Variants in PHRF1 observed in about 807,000 individuals in gnomAD.
The protein encoded by PHRF1 is PHD and RING finger domain-containing protein 1.
PHRF1 carries 53 observed loss-of-function variants against 128.9 expected under a neutral mutation model. The observed-to-expected ratio is 0.41, with a 90% CI of 0.33 to 0.52. The LOEUF is 0.52. Ranked by LOEUF, PHRF1 falls within the 20% of genes least tolerant of loss-of-function variation. PHRF1 has a pLI of 0.21. For synonymous variants in PHRF1, 1,178 were observed against 980.6 expected (o/e 1.20, Z -3.76); for missense variants, 2,503 against 2,284.5 (o/e 1.10, Z -1.95).
In PHRF1 at chr11:605,626, C is replaced by G. The variant is rs781180540; in HGVS notation, c.1356C>G (p.Asn452Lys). Reference protein sequence around the residue: ...PFDSSEELSANPLSPLSAKRR... With the variant: ...PFDSSEELSAKPLSPLSAKRR... ...CTAGCAGTGAAGAGCTTTCTGCAAA[C>G]CCTCTTTCCCCTCTGAGTGCCAAGA... The change falls in exon 12 of 18, where the codon AAC becomes AAG. Residue 452 changes from asparagine (N) to lysine (K), a missense_variant. Asn to Lys is a moderately conservative substitution (Grantham distance 94, BLOSUM62 0). Coordinates refer to ENST00000264555, the MANE Select transcript of PHRF1 (RefSeq NM_001286581.2). The G allele has an allele frequency of 1.2e-6, 2 of 1,613,816 alleles. No homozygotes were observed. The highest frequency in any genetic ancestry group is 1.3e-5 in the African/African-American group (1 of 75,056).
In PHRF1 at chr11:610,735, G is replaced by A; in HGVS notation, c.4651G>A (p.Ala1551Thr). ...GGAGAAGACCCCGGCCCCCAGGCTAGCTGCGGAGAAAACCAAGAAGGAGGA... is the reference window on the plus strand; with the variant it reads ...GGAGAAGACCCCGGCCCCCAGGCTAACTGCGGAGAAAACCAAGAAGGAGGA... ...SEEKTPAPRL[A>T]AEKTKKEEYM... The change falls in exon 16 of 18, where the codon GCT (alanine) becomes ACT (threonine). Residue 1551 changes from alanine (A) to threonine (T), a missense_variant. Ala to Thr is a moderately conservative substitution (Grantham distance 58, BLOSUM62 0). Transcript: ENST00000264555. 1.9e-6 allele frequency: 3 copies of A among 1,601,766 alleles called. No homozygotes were observed. The highest frequency in any genetic ancestry group is 2.5e-6 in the Non-Finnish European group (3 of 1,179,790).
chr11:577,684 G>A (rs11246199), intron 1 of PHRF1, among the ~76,000 whole-genome samples: 11,900 of 152,312 alleles, frequency 0.078, 763 homozygotes, highest in African/African-American at 0.18. Flanking sequence ...TACAGCAGAT[G>A]GTGAATACAA....
intron 2 of PHRF1, 112 bp from the exon 3 acceptor site, chr11:581,850 G>A (rs551556606): frequency 1.7e-5 from 24 of 1,424,752 alleles, no homozygotes; most frequent in Non-Finnish European, 2.2e-5. Flanking sequence ...TGGGGAAGCC[G>A]TTAGCCGTTT....
rs1856110326 is a variant in PHRF1, at chr11:608,509, GCT to G, written c.3056_3057del (p.Ser1019TrpfsTer5). ...GTGTCCAGGGAGCACGGACGGACGC[GCT>G]CTGGGACGCGCTCTGAATCCAGGGA... is the stretch of plus-strand genomic sequence containing the variant. On this transcript the variant is annotated frameshift_variant, in exon 14 of 18. Transcript: ENST00000264555. LOFTEE classifies it high-confidence loss of function. 2 of 1,447,942 alleles carry G rather than the reference GCT, an allele frequency of 1.4e-6. No individual in the cohort carries two copies. The highest frequency in any genetic ancestry group is 4.1e-5 in the African/African-American group (2 of 48,496). The allele number at this position is 1,447,942 out of a possible 1,614,324, so 89.7% of individuals were successfully genotyped here. A position where few individuals can be genotyped will look rare whatever the true frequency, so the allele number is the denominator to read the frequency against.
At chr11:610,096 C>G in intron 14 of PHRF1, 100 bp from the exon 15 acceptor site, 1 of 1,412,208 alleles carries the variant, frequency 7.1e-7, no homozygotes, top group Non-Finnish European at 9.4e-7. Context: ...GCTCTGTGGT[C>G]CTTGCTCCTG....
intron 10 of PHRF1, 100 bp from the exon 11 acceptor site, chr11:605,019 G>A (rs1855858919): frequency 8.1e-7 from 1 of 1,230,972 alleles, no homozygotes; most frequent in Non-Finnish European, 1.1e-6. Flanking sequence ...CGGCTCTAGT[G>A]TTCACTGTTG....
chr11:587,294 C>T lies in PHRF1; in HGVS notation c.250C>T (p.Leu84=), dbSNP rs1195796036. Residue 84 remains leucine, a synonymous_variant, in exon 4 of 18, where the codon CTG becomes TTG. Coordinates refer to ENST00000264555, the MANE Select transcript of PHRF1 (RefSeq NM_001286581.2). ...EDSEDDGETL[L]EVAGTQGKLE... is the part of the protein sequence containing the mutation. ...TTCTGAAGACGACGGGGAGACATTG[C>T]TGGAGGTAGCGGGTACTCAGGGGAA... 1 of 1,613,602 alleles carries T rather than the reference C, an allele frequency of 6.2e-7. No homozygotes were observed. The highest frequency in any genetic ancestry group is 1.1e-5 in the South Asian group (1 of 91,080).
rs148575043 is a variant in PHRF1 at position 609,081 on chromosome 11, G to C, written c.3625G>C (p.Gly1209Arg). 1,087 of 1,602,482 alleles carry C rather than the reference G, an allele frequency of 6.8e-4. 8 individuals carry two copies. The African/African-American group carries it at 0.013, about 19-fold the overall frequency. ...GGCTTCCCCAGCGCCCCTTGCACAG[G>C]GGGAGCCAGGGCGGGAAGACCTCCC... Reference protein sequence around the residue: ...REASPAPLAQGEPGREDLPTR... With the variant: ...REASPAPLAQREPGREDLPTR... The change falls in exon 14 of 18, where the codon GGG (glycine) becomes CGG (arginine). Residue 1209 changes from glycine to arginine, a missense_variant. Transcript: ENST00000264555.
At chr11:577,376 C>T (rs1853933875) in intron 1 of PHRF1, among the ~76,000 whole-genome samples, 1 of 152,256 alleles carries the variant, frequency 6.6e-6, no homozygotes, top group Admixed American at 6.5e-5. Context: ...GAACAGCAGT[C>T]AGCTGGGTGA....
chr11:582,345 A>G (rs1037198954), intron 3 of PHRF1, among the ~76,000 whole-genome samples: 1 of 150,412 alleles, frequency 6.6e-6, no homozygotes, highest in Non-Finnish European at 1.5e-5. Flanking sequence ...GCTCACTGCA[A>G]CTTCTGCCTC....
At chr11:596,828 G>A in intron 6 of PHRF1, 95 bp from the exon 7 acceptor site, 1 of 1,022,380 alleles carries the variant, frequency 9.8e-7, no homozygotes, top group African/African-American at 1.6e-5. Flanking sequence ...AGACTTGGGT[G>A]CCATCGGAGG....
At chr11:580,791 C>T (rs1378226945) in intron 1 of PHRF1, among the ~76,000 whole-genome samples, 2 of 152,176 alleles carry the variant, frequency 1.3e-5, no homozygotes, top group African/African-American at 2.4e-5. Flanking sequence ...CAGGTGCAAG[C>T]GATTCTCCTG....
Position 598,427 on chromosome 11 carries a change from G to A in PHRF1, c.949G>A (p.Ala317Thr). 1 of 1,611,346 alleles carries A rather than the reference G, an allele frequency of 6.2e-7. No individual in the cohort carries two copies. The highest frequency in any genetic ancestry group is 8.5e-7 in the Non-Finnish European group (1 of 1,179,796). Residue 317 changes from alanine (A) to threonine (T), a missense_variant, in exon 9 of 18, where the codon GCG becomes ACG. Transcript: ENST00000264555. ...SLLDEAIEAV[A>T]TGLSTAVYQR... is the part of the protein sequence containing the mutation. ...GCTGGATGAAGCCATCGAGGCTGTG[G>A]CGACTGGCCTGAGCACTGCCGTGTA...
Position 591,461 on chromosome 11 carries a change from A to G in PHRF1, c.498A>G (p.Leu166=), listed in dbSNP as rs1416666701. 17 of 1,608,066 alleles carry G rather than the reference A, an allele frequency of 1.1e-5. No individual in the cohort carries two copies. The highest frequency in any genetic ancestry group is 1.3e-5 in the African/African-American group (1 of 74,564). Residue 166 remains leucine, a synonymous_variant, in exon 5 of 18, where the codon TTA becomes TTG. Transcript: ENST00000264555. ...CIRAQFGGKI[L]RKIPVENTKA... ...GAGCTCAATTTGGTGGTAAAATCTTAAGAAAGGTGAGTGTGGACGCTGCCG... is the reference window on the plus strand; with the variant it reads ...GAGCTCAATTTGGTGGTAAAATCTTGAGAAAGGTGAGTGTGGACGCTGCCG...
In PHRF1 at chr11:592,568, G is replaced by C. The variant is rs1466210351; in HGVS notation, c.514G>C (p.Glu172Gln). 3 of 1,613,930 alleles carry C rather than the reference G, an allele frequency of 1.9e-6. No individual in the cohort carries two copies. Among genetic ancestry groups the C allele is most frequent in the Admixed American group, 3.3e-5 (2 of 60,012 alleles). The stretch of plus-strand genomic sequence containing the variant: ...GACGATTCTGTCCTAGATCCCAGTG[G>C]AGAACACCAAAGCGAGCGAGGAGGA... ...GGKILRKIPV[E>Q]NTKASEEEED... Residue 172 changes from glutamate to glutamine, a missense_variant, in exon 6 of 18, where the codon GAG becomes CAG. Physicochemically the swap from Glu to Gln is conservative, Grantham distance 29. Transcript: ENST00000264555.
chr11:601,605 A>T lies in PHRF1; in HGVS notation c.1056A>T (p.Lys352Asn). 1 of 1,613,728 alleles carries T rather than the reference A, an allele frequency of 6.2e-7. No homozygotes were observed. The highest frequency in any genetic ancestry group is 8.5e-7 in the Non-Finnish European group (1 of 1,179,876). The change falls in exon 10 of 18, where the codon AAA becomes AAT. Residue 352 changes from lysine (K) to asparagine (N), a missense_variant. Physicochemically the swap from Lys to Asn is moderately conservative, Grantham distance 94. Coordinates refer to ENST00000264555, the MANE Select transcript of PHRF1 (RefSeq NM_001286581.2). The stretch of plus-strand genomic sequence containing the variant: ...GGAAGAAAGTGCCGGGAAGAAAGAA[A>T]ACCCCGTCCGGACCATCCGCAAAAA... ...RRRKKVPGRKKTPSGPSAKSK... is the reference protein window; with the variant it reads ...RRRKKVPGRKNTPSGPSAKSK...
At chr11:578,389 G>A (rs907581571) in intron 1 of PHRF1, among the ~76,000 whole-genome samples, 4 of 152,230 alleles carry the variant, frequency 2.6e-5, no homozygotes, top group African/African-American at 9.6e-5. Flanking sequence ...CTCACCAGCT[G>A]TGGTAAAGTT....
chr11:608,647 G>T lies in PHRF1; in HGVS notation c.3191G>T (p.Arg1064Leu). Reference protein sequence around the residue: ...SSSDRSSSRERAKRKKAKDKS... With the variant: ...SSSDRSSSRELAKRKKAKDKS... ...AGTGACCGCTCCAGCAGCCGAGAGC[G>T]AGCTAAGAGGAAGAAAGCCAAGGAC... The change falls in exon 14 of 18, where the codon CGA becomes CTA. Residue 1064 changes from arginine to leucine, a missense_variant. Physicochemically the swap from Arg to Leu is moderately radical, Grantham distance 102. Transcript: ENST00000264555. 6.2e-7 allele frequency: 1 copy of T among 1,612,410 alleles called. No individual in the cohort carries two copies. The highest frequency in any genetic ancestry group is 1.1e-5 in the South Asian group (1 of 91,058).
chr11:589,835 AGAG>A (rs774403824), intron 4 of PHRF1, among the ~76,000 whole-genome samples: 52 of 138,060 alleles, frequency 3.8e-4, no homozygotes, highest in Admixed American at 1.0e-3. Flanking sequence ...TCAGCCTGAG[AGAG>A]AGTCTGCAAA....
Sources: gnomAD v4.1 joint callset for allele counts (sites outside exome capture counted in the v4.1 genomes callset) on GRCh38, gnomAD v4.1.1 for gene constraint, MANE v1.5 for transcripts, NCBI Gene and HGNC (gene_info 2026-07-23, HGNC 2026-07-21) for gene names.